Variants in TDP2 observed in about 807,000 individuals in gnomAD.
TDP2 encodes 5'-Tyr-DNA phosphodiesterase.
TDP2 carries 38 observed loss-of-function variants against 42.8 expected under a neutral mutation model. The ratio of observed to expected loss-of-function variants is 0.89; its 90% CI spans 0.68 to 1.16. The LOEUF (loss-of-function observed/expected upper bound fraction) is 1.16. Ranked by LOEUF, TDP2 falls within the 50% of genes most tolerant of loss-of-function variation. The pLI, the probability that TDP2 is intolerant of heterozygous loss-of-function variation, is 0.00. For missense variants in TDP2, 439 were observed against 439.3 expected, an observed-to-expected ratio of 1.00 and a Z score of 0.01; for synonymous variants, 173 against 150.6, an observed-to-expected ratio of 1.15 and a Z score of -1.09.
chr6:24,651,734 G>C (rs930510092), intron 6 of TDP2, among the ~76,000 whole-genome samples: 5 of 152,222 alleles, frequency 3.3e-5, no homozygotes, highest in Admixed American at 3.3e-4. Context: ...TCACAGGCAT[G>C]TGCCACAATG....
In TDP2 at chr6:24,661,857, T is replaced by C. The variant is rs369194484; in HGVS notation, c.252-3123A>G. On this transcript the variant is annotated intron_variant, in intron 2 of 6. Transcript: ENST00000378198. The stretch of plus-strand genomic sequence containing the variant: ...AGATCAGACTGTTACTGTGTCTATG[T>C]AGAAAGAGGAAGACATAAGAAACTC... Among the ~76,000 whole-genome samples, 280 of 152,278 alleles carry C rather than the reference T, an allele frequency of 1.8e-3. 2 individuals carry two copies. The highest frequency in any genetic ancestry group is 5.7e-3 in the African/African-American group (237 of 41,566).
Position 24,654,434 on chromosome 6 carries a change from A to G in TDP2, c.614T>C (p.Met205Thr). 3 of 1,551,824 alleles carry G rather than the reference A, an allele frequency of 1.9e-6. No individual in the cohort carries two copies. The highest frequency in any genetic ancestry group is 2.3e-5 in the South Asian group (2 of 85,718). The change falls in exon 5 of 7, where the codon ATG becomes ACG. Residue 205 changes from methionine to threonine, a missense_variant. Coordinates refer to ENST00000378198, the MANE Select transcript of TDP2 (RefSeq NM_016614.3). ...CACATGCACACATAAAAGGTTTCTCATCATTTTGGTACTTGGAAAAGGAAT... is the reference window on the plus strand; with the variant it reads ...CACATGCACACATAAAAGGTTTCTCGTCATTTTGGTACTTGGAAAAGGAAT... ...EIIPFPSTKM[M>T]RNLLCVHVNV...
intron 5 of TDP2, among the ~76,000 whole-genome samples, chr6:24,653,444 G>A (rs1373708941): frequency 6.6e-6 from 1 of 152,144 alleles, no homozygotes; most frequent in African/African-American, 2.4e-5. Context: ...CCAAAGGCAT[G>A]CTGAACAGAC....
chr6:24,662,312 T>C (rs1050460518), intron 2 of TDP2, among the ~76,000 whole-genome samples: 1 of 152,032 alleles, frequency 6.6e-6, no homozygotes, highest in African/African-American at 2.4e-5. Context: ...ATCTGTCTCC[T>C]GCTCGTCCCT....
chr6:24,664,786 T>C (rs1010264333), intron 2 of TDP2, among the ~76,000 whole-genome samples: 3 of 152,176 alleles, frequency 2.0e-5, no homozygotes, highest in Admixed American at 1.3e-4. Flanking sequence ...AACTAAACTT[T>C]AAAACCTCAC....
intron 2 of TDP2, among the ~76,000 whole-genome samples, chr6:24,661,039 T>C (rs2127618353): frequency 6.6e-6 from 1 of 152,356 alleles, no homozygotes; most frequent in Non-Finnish European, 1.5e-5. Flanking sequence ...CAGATTTCTC[T>C]AGTACGAAGT....
At chr6:24,666,398 G>A in intron 2 of TDP2, 128 bp downstream of exon 2, 1 of 1,422,054 alleles carries the variant, frequency 7.0e-7, no homozygotes, top group Non-Finnish European at 9.8e-7. Context: ...CTGCTCCTCT[G>A]GCTACGCAGC....
chr6:24,666,321 G>A, intron 2 of TDP2: 1 of 1,521,044 alleles, frequency 6.6e-7, no homozygotes, highest in Non-Finnish European at 8.9e-7. Context: ...CGTTCGAAGC[G>A]ACAGTCTGGT....
chr6:24,652,123 C>A (rs745922370), intron 6 of TDP2, among the ~76,000 whole-genome samples: 3 of 152,208 alleles, frequency 2.0e-5, no homozygotes, highest in Non-Finnish European at 4.4e-5. Context: ...CATATAGTAT[C>A]TTTTCCTTTT....
intron 3 of TDP2, 109 bp from the exon 4 acceptor site, chr6:24,658,012 C>T: frequency 1.5e-6 from 1 of 655,514 alleles, no homozygotes; most frequent in Non-Finnish European, 2.6e-6. Context: ...CCCTCTAGGG[C>T]ACCTAATATT....
At chr6:24,652,421 T>C (rs898349204) in intron 6 of TDP2, among the ~76,000 whole-genome samples, 3 of 152,166 alleles carry the variant, frequency 2.0e-5, no homozygotes, top group African/African-American at 7.2e-5. Context: ...AGTAATTCCA[T>C]GTTTAATTTT....
At chr6:24,665,955 A>T in intron 2 of TDP2, 1 of 904,674 alleles carries the variant, frequency 1.1e-6, no homozygotes, top group Non-Finnish European at 1.5e-6. Flanking sequence ...AAAAAAGTAA[A>T]AGTTTGATAG....
At position 24,650,798 on chromosome 6, in the gene TDP2, A is replaced by G. The variant is rs1304547585; in HGVS notation, c.1079T>C (p.Ile360Thr). ...CACTTGAAAAGCATTTTACAATATT[A>G]TATCTAAGTTGCACAGAAGACCCCA... ...DHWGLLCNLD[I>T]IL The change falls in exon 7 of 7, where the codon ATA becomes ACA. Residue 360 changes from isoleucine (I) to threonine (T), a missense_variant. Physicochemically the swap from Ile to Thr is moderately conservative, Grantham distance 89. Coordinates refer to ENST00000378198, the MANE Select transcript of TDP2 (RefSeq NM_016614.3). 1.9e-6 allele frequency: 3 copies of G among 1,613,584 alleles called. No homozygotes were observed. The highest frequency in any genetic ancestry group is 1.7e-6 in the Non-Finnish European group (2 of 1,179,720).
intron 4 of TDP2, among the ~76,000 whole-genome samples, chr6:24,655,637 A>C (rs982105187): frequency 1.3e-5 from 2 of 152,164 alleles, no homozygotes; most frequent in Non-Finnish European, 2.9e-5. Context: ...AGCCACAGGG[A>C]GGGGCATGCA....
intron 3 of TDP2, 35 bp from the exon 4 acceptor site, chr6:24,657,938 G>A: frequency 7.3e-7 from 1 of 1,375,014 alleles, no homozygotes; most frequent in Non-Finnish European, 1.0e-6. Context: ...CAAATACCAA[G>A]TATACCATTT....
chr6:24,662,893 C>T (rs1398801141), intron 2 of TDP2, among the ~76,000 whole-genome samples: 1 of 152,188 alleles, frequency 6.6e-6, no homozygotes, highest in African/African-American at 2.4e-5. Context: ...AAATTATTAG[C>T]TCTTTATTTC....
In TDP2 at chr6:24,657,811, C is replaced by A; in HGVS notation, c.517+1G>T. ...ACAAGTTGAATAACAAAAATTGTTACCTGTAATAATCTCATAATTACTTGA... is the reference window on the plus strand; with the variant it reads ...ACAAGTTGAATAACAAAAATTGTTAACTGTAATAATCTCATAATTACTTGA... On this transcript the variant is annotated splice_donor_variant, in intron 4 of 6. Coordinates refer to ENST00000378198, the MANE Select transcript of TDP2 (RefSeq NM_016614.3). LOFTEE classifies it high-confidence loss of function. The A allele has an allele frequency of 6.7e-7, 1 of 1,499,354 alleles. No individual in the cohort carries two copies. Among genetic ancestry groups the A allele is most frequent in the Non-Finnish European group, 9.0e-7 (1 of 1,105,232 alleles). 92.9% of individuals were successfully genotyped at this position (1,499,354 alleles called of 1,614,324 possible).
intron 4 of TDP2, 30 bp downstream of exon 4, chr6:24,657,782 A>C (rs770754690): frequency 1.1e-5 from 15 of 1,324,258 alleles, no homozygotes; most frequent in Non-Finnish European, 1.5e-5. Context: ...TTTTCAAAGA[A>C]AAGACAAGTT....
intron 2 of TDP2, chr6:24,666,248 T>A (rs996127942): frequency 1.3e-6 from 2 of 1,543,296 alleles, no homozygotes; most frequent in Non-Finnish European, 1.7e-6. Context: ...TCTCGCTTAC[T>A]TATTTCCTTT....
Sources: allele counts gnomAD v4.1 joint callset (sites outside exome capture counted in the v4.1 genomes callset), GRCh38; gene constraint gnomAD v4.1.1; transcripts MANE v1.5; gene names NCBI Gene and HGNC (gene_info 2026-07-23, HGNC 2026-07-21).